Variants in WWOX observed in about 807,000 individuals in gnomAD.
WWOX encodes WW domain-containing oxidoreductase.
A neutral mutation model predicts 46.2 loss-of-function variants in WWOX; 69 were observed. That is an observed-to-expected ratio of 1.49 (90% CI 1.23 to 1.82). The LOEUF is 1.82. WWOX is among the 40% of genes most tolerant of loss of function. WWOX has a pLI of 0.00. For missense variants in WWOX, 919 were observed against 542.6 expected (o/e 1.69, Z -6.89); for synonymous variants, 359 against 202.6 (o/e 1.77, Z -6.56).
intron 5 of WWOX, among the ~76,000 whole-genome samples, chr16:78,280,656 G>A (rs1007220013): frequency 1.1e-4 from 16 of 151,352 alleles, no homozygotes; most frequent in South Asian, 4.2e-4. Context: ...GTGACAGAGC[G>A]TGGGGTGGGG....
chr16:78,909,890 C>T (rs1219152644), intron 8 of WWOX, among the ~76,000 whole-genome samples: 3 of 152,114 alleles, frequency 2.0e-5, no homozygotes, highest in African/African-American at 7.2e-5. Context: ...CTTAGGCATC[C>T]GTTTAGCAAA....
intron 8 of WWOX, among the ~76,000 whole-genome samples, chr16:78,561,875 T>C (rs2044446857): frequency 6.6e-6 from 1 of 152,174 alleles, no homozygotes; most frequent in East Asian, 1.9e-4. Flanking sequence ...GTTGGTCTCT[T>C]GAGTGACCTG....
chr16:78,099,910 G>C (rs751782761), intron 1 of WWOX, 25 bp downstream of exon 1: 1 of 1,550,342 alleles, frequency 6.5e-7, no homozygotes, highest in African/African-American at 1.4e-5. Context: ...GTGGGGCCGC[G>C]GACGCACCTG....
intron 8 of WWOX, among the ~76,000 whole-genome samples, chr16:78,583,952 C>T (rs751334246): frequency 6.6e-6 from 1 of 152,224 alleles, no homozygotes; most frequent in Non-Finnish European, 1.5e-5. Flanking sequence ...GGTCCCCAGC[C>T]TCCTTGCTCC....
chr16:78,475,255 C>T (rs961333549), intron 8 of WWOX, among the ~76,000 whole-genome samples: 2 of 152,204 alleles, frequency 1.3e-5, no homozygotes, highest in Non-Finnish European at 2.9e-5. Context: ...GCTGCTTCTT[C>T]ATCTTTATCT....
intron 8 of WWOX, among the ~76,000 whole-genome samples, chr16:78,930,492 T>A (rs921688919): frequency 6.9e-6 from 1 of 145,146 alleles, no homozygotes; most frequent in Non-Finnish European, 1.5e-5. Flanking sequence ...GGTTTCACCA[T>A]GTTGCCCAGG....
Position 79,195,710 on chromosome 16 carries a change from T to G in WWOX, c.1057-15898T>G, listed in dbSNP as rs372862009. Among the ~76,000 whole-genome samples the G allele has an allele frequency of 2.6e-3, 402 of 152,286 alleles. 23 individuals are homozygous for G. The South Asian group carries it at 0.082, about 31-fold the overall frequency. The stretch of plus-strand genomic sequence containing the variant: ...CGGGAGCTAGCTCCTTGTGAAGGAA[T>G]GGCAATGATAATGGTTAAGTCAGAT... On this transcript the variant is annotated intron_variant, in intron 8 of 8. Coordinates refer to ENST00000566780, the MANE Select transcript of WWOX (RefSeq NM_016373.4).
chr16:78,120,308 C>T (rs891961207), intron 4 of WWOX, among the ~76,000 whole-genome samples: 6 of 152,262 alleles, frequency 3.9e-5, no homozygotes, highest in East Asian at 1.9e-4. Context: ...CGGTGGCTCA[C>T]GCCTGTAATC....
intron 4 of WWOX, among the ~76,000 whole-genome samples, chr16:78,141,076 T>G (rs571652867): frequency 1.3e-5 from 2 of 152,332 alleles, no homozygotes; most frequent in East Asian, 3.9e-4. Flanking sequence ...CTCGTTATCA[T>G]CAGACATTAG....
intron 8 of WWOX, among the ~76,000 whole-genome samples, chr16:79,104,949 G>A (rs866622964): frequency 3.9e-5 from 6 of 152,310 alleles, no homozygotes; most frequent in African/African-American, 1.2e-4. Flanking sequence ...GGTCGTTAGG[G>A]GTCAGGGGGA....
chr16:78,602,230 T>C (rs1163644815), intron 8 of WWOX, among the ~76,000 whole-genome samples: 3 of 152,160 alleles, frequency 2.0e-5, no homozygotes, highest in Non-Finnish European at 4.4e-5. Flanking sequence ...CTCTTCTGGA[T>C]AGATCTGGAT....
In WWOX at chr16:79,212,085, T is replaced by G. The variant is rs778588353; in HGVS notation, c.*289T>G. The stretch of plus-strand genomic sequence containing the variant: ...TTGGTGTGTAGGTTCCGTATCTCCC[T>G]GGAGAAGCACCAGCAATTCTCTTTC... On this transcript the variant is annotated 3_prime_UTR_variant, in exon 9 of 9. Transcript: ENST00000566780. The G allele has an allele frequency of 7.2e-6, 11 of 1,536,310 alleles. No homozygotes were observed. Among genetic ancestry groups the G allele is most frequent in the South Asian group, 5.9e-5 (5 of 84,050 alleles).
chr16:78,143,865 A>G (rs890496724), intron 4 of WWOX, among the ~76,000 whole-genome samples: 1 of 151,868 alleles, frequency 6.6e-6, no homozygotes, highest in African/African-American at 2.4e-5. Flanking sequence ...AAACATTAAA[A>G]TGTTTAAGTA....
chr16:78,416,261 C>T (rs547451495), intron 6 of WWOX, among the ~76,000 whole-genome samples: 1 of 152,290 alleles, frequency 6.6e-6, no homozygotes, highest in South Asian at 2.1e-4. Context: ...ATTGCAATGG[C>T]TTTTAGTCAA....
chr16:78,559,982 C>T (rs988127635), intron 8 of WWOX, among the ~76,000 whole-genome samples: 1 of 152,188 alleles, frequency 6.6e-6, no homozygotes, highest in African/African-American at 2.4e-5. Flanking sequence ...GCCAAGGTCT[C>T]TGGAGTTTGC....
intron 5 of WWOX, among the ~76,000 whole-genome samples, chr16:78,314,688 G>GGTTTTTTTT (rs1555517825): frequency 7.7e-5 from 7 of 90,480 alleles, no homozygotes; most frequent in South Asian, 4.7e-4. Flanking sequence ...CCCTGCAGGG[G>GGTTTTTTTT]TTTTTTTTTT....
chr16:78,859,986 T>C (rs1567609215), intron 8 of WWOX, among the ~76,000 whole-genome samples: 1 of 152,184 alleles, frequency 6.6e-6, no homozygotes, highest in South Asian at 2.1e-4. Flanking sequence ...CTATAGCAAA[T>C]AGCTATAATG....
intron 5 of WWOX, among the ~76,000 whole-genome samples, chr16:78,177,450 C>G (rs1408687333): frequency 1.3e-5 from 2 of 152,110 alleles, no homozygotes; most frequent in Admixed American, 6.6e-5. Context: ...AAGATGGTCT[C>G]CCCACGTGCT....
intron 8 of WWOX, among the ~76,000 whole-genome samples, chr16:78,570,040 A>G (rs1402345416): frequency 1.3e-5 from 2 of 152,224 alleles, no homozygotes; most frequent in Non-Finnish European, 2.9e-5. Context: ...TAACAGGTGG[A>G]TATAAATATA....
Sources: allele counts gnomAD v4.1 joint callset (sites outside exome capture counted in the v4.1 genomes callset), GRCh38; gene constraint gnomAD v4.1.1; transcripts MANE v1.5; gene names NCBI Gene and HGNC (gene_info 2026-07-23, HGNC 2026-07-21).